Variants in SRBD1 observed in about 807,000 individuals in gnomAD.
SRBD1 encodes S1 RNA binding domain 1, also known as S1 RNA-binding domain-containing protein 1.
In SRBD1, 88 loss-of-function variants were observed where a neutral mutation model predicts 115.3. The ratio of observed to expected loss-of-function variants is 0.76; its 90% CI spans 0.64 to 0.91. SRBD1 has a LOEUF of 0.91. Among genes scored for constraint, SRBD1 ranks in the 40% least tolerant of loss-of-function variants. The pLI, the probability that SRBD1 is intolerant of heterozygous loss-of-function variation, is 0.00. For synonymous variants in SRBD1, 509 were observed against 407.7 expected (o/e 1.25, Z -2.99); for missense variants, 1,385 against 1,177.4 (o/e 1.18, Z -2.58).
chr2:45,464,819 A>C lies in SRBD1; in HGVS notation c.2049+12174T>G, dbSNP rs1669430863. ...AAGTCTGAACATTAAAGCTCTAAAAATGTATACAAAAGTATAAAAAGTAAG... is the reference window on the plus strand; with the variant it reads ...AAGTCTGAACATTAAAGCTCTAAAACTGTATACAAAAGTATAAAAAGTAAG... On this transcript the variant is annotated intron_variant, in intron 16 of 20. Coordinates refer to ENST00000263736, the MANE Select transcript of SRBD1 (RefSeq NM_018079.5). 2.0e-5 allele frequency among the ~76,000 whole-genome samples: 3 copies of C among 152,208 alleles called. No homozygotes were observed. In the South Asian group the frequency reaches 6.2e-4, roughly 32 times the overall value.
chr2:45,572,383 T>C (rs544209912), intron 9 of SRBD1, among the ~76,000 whole-genome samples: 3 of 152,170 alleles, frequency 2.0e-5, no homozygotes. Context: ...AATATGACTA[T>C]GCTTCCCATT....
intron 16 of SRBD1, among the ~76,000 whole-genome samples, chr2:45,430,988 A>G (rs1160219071): frequency 6.6e-6 from 1 of 152,226 alleles, no homozygotes; most frequent in Non-Finnish European, 1.5e-5. Flanking sequence ...AAGGATATAA[A>G]CAGACACTTC....
At chr2:45,459,185 T>A (rs575488898) in intron 16 of SRBD1, among the ~76,000 whole-genome samples, 37 of 152,280 alleles carry the variant, frequency 2.4e-4, no homozygotes, top group African/African-American at 8.7e-4. Context: ...TACACAAGGA[T>A]AACAAGTAAA....
intron 1 of SRBD1, among the ~76,000 whole-genome samples, chr2:45,607,488 G>C (rs1309461886): frequency 6.6e-6 from 1 of 152,118 alleles, no homozygotes; most frequent in East Asian, 1.9e-4. Flanking sequence ...GGGAGATGGG[G>C]AAATGGAGGT....
intron 16 of SRBD1, among the ~76,000 whole-genome samples, chr2:45,466,187 G>A (rs543581903): frequency 3.3e-5 from 5 of 152,084 alleles, no homozygotes; most frequent in African/African-American, 7.2e-5. Context: ...AGTTAGCAGG[G>A]AGTAGGTTCC....
intron 2 of SRBD1, among the ~76,000 whole-genome samples, chr2:45,604,398 A>AGGG (rs1179478169): frequency 3.9e-4 from 54 of 140,242 alleles, no homozygotes; most frequent in African/African-American, 9.4e-4. Context: ...GGGTGGAGGA[A>AGGG]GGGGAGGGCT....
intron 14 of SRBD1, among the ~76,000 whole-genome samples, chr2:45,543,126 T>C (rs1275216249): frequency 2.0e-5 from 3 of 152,224 alleles, no homozygotes; most frequent in Non-Finnish European, 4.4e-5. Flanking sequence ...TTTTCAACTT[T>C]CATTTTTTCA....
At chr2:45,520,044 T>A (rs1300881085) in intron 14 of SRBD1, among the ~76,000 whole-genome samples, 1 of 151,992 alleles carries the variant, frequency 6.6e-6, no homozygotes, top group East Asian at 1.9e-4. Flanking sequence ...TTAGAAAAAA[T>A]ACATTTAAAG....
intron 14 of SRBD1, among the ~76,000 whole-genome samples, chr2:45,510,954 T>A (rs1274709529): frequency 2.6e-5 from 4 of 152,210 alleles, no homozygotes; most frequent in African/African-American, 9.6e-5. Context: ...GAAGCACAAG[T>A]GTTTTCATAG....
intron 15 of SRBD1, among the ~76,000 whole-genome samples, chr2:45,487,864 G>A (rs992550840): frequency 1.2e-4 from 18 of 152,054 alleles, no homozygotes; most frequent in African/African-American, 4.3e-4. Context: ...ATCTTGGCCA[G>A]GCTGGTCTTG....
At chr2:45,585,583 G>C (rs1673493108) in intron 5 of SRBD1, 25 bp downstream of exon 5, 1 of 1,598,796 alleles carries the variant, frequency 6.3e-7, no homozygotes, top group Non-Finnish European at 8.5e-7. Flanking sequence ...CTTACACTAG[G>C]CTTATTCTTT....
At chr2:45,513,504 A>G (rs950295024) in intron 14 of SRBD1, among the ~76,000 whole-genome samples, 1 of 152,090 alleles carries the variant, frequency 6.6e-6, no homozygotes, top group African/African-American at 2.4e-5. Flanking sequence ...GCTGAATTCT[A>G]AAGTGCATAA....
chr2:45,570,742 G>C (rs1420221125), intron 9 of SRBD1, among the ~76,000 whole-genome samples: 1 of 152,108 alleles, frequency 6.6e-6, no homozygotes, highest in Non-Finnish European at 1.5e-5. Context: ...ACGTTCCTAG[G>C]GCAGGTTGCA....
chr2:45,492,745 A>ATT (rs111283453), intron 14 of SRBD1, among the ~76,000 whole-genome samples: 82 of 148,600 alleles, frequency 5.5e-4, no homozygotes, highest in African/African-American at 1.9e-3. Flanking sequence ...AGCCAAAACT[A>ATT]TTTTTTTTTT....
intron 14 of SRBD1, among the ~76,000 whole-genome samples, chr2:45,491,662 TTAAGA>T (rs1420145922): frequency 2.0e-4 from 31 of 152,152 alleles, no homozygotes; most frequent in Non-Finnish European, 2.8e-4. Context: ...AATTGATAAT[TTAAGA>T]TATTTTATTT....
chr2:45,450,304 CT>C (rs1289691746), intron 16 of SRBD1, among the ~76,000 whole-genome samples: 2 of 152,066 alleles, frequency 1.3e-5, no homozygotes, highest in African/African-American at 4.8e-5. Flanking sequence ...GGATCATGAA[CT>C]TTGTGATTTG....
At chr2:45,578,517 C>T (rs1264594590) in intron 7 of SRBD1, among the ~76,000 whole-genome samples, 6 of 152,152 alleles carry the variant, frequency 3.9e-5, no homozygotes, top group African/African-American at 1.4e-4. Flanking sequence ...CACACCCACT[C>T]AGTTTTTTAA....
In SRBD1 at chr2:45,441,427, T is replaced by C. The variant is rs532700078; in HGVS notation, c.2050-21533A>G. 3.9e-5 allele frequency among the ~76,000 whole-genome samples: 6 copies of C among 152,354 alleles called. No homozygotes were observed. In the East Asian group the frequency reaches 1.2e-3, roughly 29 times the overall value. On this transcript the variant is annotated intron_variant, in intron 16 of 20. Transcript: ENST00000263736. ...ACAGGTGTGTATGTGTGTAAGTAAATAAATATGATTTGTTATTGTATCCTG... is the reference window on the plus strand; with the variant it reads ...ACAGGTGTGTATGTGTGTAAGTAAACAAATATGATTTGTTATTGTATCCTG...
chr2:45,407,070 T>C (rs919535497), intron 19 of SRBD1, among the ~76,000 whole-genome samples: 1 of 152,194 alleles, frequency 6.6e-6, no homozygotes, highest in Admixed American at 6.5e-5. Flanking sequence ...ATAGATCTAG[T>C]TCAAATCTTG....
Sources: allele counts gnomAD v4.1 joint callset (sites outside exome capture counted in the v4.1 genomes callset), GRCh38; gene constraint gnomAD v4.1.1; transcripts MANE v1.5; gene names NCBI Gene and HGNC (gene_info 2026-07-23, HGNC 2026-07-21).